The following MAP3K20 variants were observed in gnomAD, a reference collection of about 807,000 sequenced individuals.
MAP3K20 encodes HCCS-4.
Under a neutral mutation model 85.7 loss-of-function variants are expected in MAP3K20, and 40 were observed. The ratio of observed to expected loss-of-function variants is 0.47; its 90% CI spans 0.36 to 0.61. MAP3K20 has a LOEUF of 0.61. MAP3K20 is among the 20% of genes least tolerant of loss of function. The pLI, the probability that MAP3K20 is intolerant of heterozygous loss-of-function variation, is 0.00. For missense variants in MAP3K20, 817 were observed against 961.7 expected, an observed-to-expected ratio of 0.85 and a Z score of 1.99; for synonymous variants, 325 against 327.7, an observed-to-expected ratio of 0.99 and a Z score of 0.09.
At chr2:173,133,990 C>T (rs1005285181) in intron 2 of MAP3K20, among the ~76,000 whole-genome samples, 1 of 127,000 alleles carries the variant, frequency 7.9e-6, no homozygotes, top group Non-Finnish European at 1.6e-5. Flanking sequence ...TATTCCATCT[C>T]AAAAAACAAA....
chr2:173,126,612 T>G (rs1434721945), intron 2 of MAP3K20, among the ~76,000 whole-genome samples: 1 of 152,182 alleles, frequency 6.6e-6, no homozygotes, highest in Non-Finnish European at 1.5e-5. Context: ...ACTCCTGACC[T>G]CAGGTGATCC....
chr2:173,244,217 G>A (rs1002334027), intron 16 of MAP3K20, among the ~76,000 whole-genome samples: 1 of 152,134 alleles, frequency 6.6e-6, no homozygotes, highest in Non-Finnish European at 1.5e-5. Flanking sequence ...GATCAAAAGT[G>A]AAATATACAA....
At chr2:173,195,188 TA>T (rs34601946) in intron 7 of MAP3K20, among the ~76,000 whole-genome samples, 41,569 of 122,614 alleles carry the variant, frequency 0.34, 7,304 homozygotes, top group Non-Finnish European at 0.45. Context: ...AGCCTCTCTT[TA>T]AAAAAAAAAA....
At chr2:173,225,368 C>T (rs1308797920) in intron 11 of MAP3K20, 9 of 233,498 alleles carry the variant, frequency 3.9e-5, no homozygotes, top group South Asian at 1.6e-4. Flanking sequence ...CCAAGGTGGG[C>T]GGATCACCTG....
chr2:173,259,768 A>G lies in MAP3K20; in HGVS notation c.1476+953A>G, dbSNP rs150398773. ...CACTGTGCATCTAGGAGTTATTTCC[A>G]TGGCATTATTTATCTGTAAGGGTTG... On this transcript the variant is annotated intron_variant, in intron 17 of 19. Transcript: ENST00000375213. Among the ~76,000 whole-genome samples, 514 of 152,330 alleles carry G rather than the reference A, an allele frequency of 3.4e-3. 6 individuals are homozygous for G. Among genetic ancestry groups the G allele is most frequent in the African/African-American group, 0.012 (492 of 41,582 alleles).
chr2:173,194,727 G>A (rs544617781), intron 7 of MAP3K20, among the ~76,000 whole-genome samples: 1 of 151,450 alleles, frequency 6.6e-6, no homozygotes, highest in South Asian at 2.1e-4. Flanking sequence ...TCTACACACA[G>A]CAGTCACATA....
In MAP3K20 at chr2:173,205,123, T is replaced by A. The variant is rs577863616; in HGVS notation, c.744+1253T>A. ...GTCTCAAAAAAAAAAAAAAAAAAAATAAATAAATAAAATAAAACATATTCT... is the reference window on the plus strand; with the variant it reads ...GTCTCAAAAAAAAAAAAAAAAAAAAAAAATAAATAAAATAAAACATATTCT... On this transcript the variant is annotated intron_variant, in intron 9 of 19. Coordinates refer to ENST00000375213, the MANE Select transcript of MAP3K20 (RefSeq NM_016653.3). Among the ~76,000 whole-genome samples the A allele has an allele frequency of 6.0e-3, 752 of 124,550 alleles. 7 individuals carry two copies. Among genetic ancestry groups the A allele is most frequent in the African/African-American group, 0.022 (649 of 29,598 alleles). The allele number at this position is 124,550 out of a possible 152,430, so 81.7% of individuals were successfully genotyped here. A position where few individuals can be genotyped will look rare whatever the true frequency, so the allele number is the denominator to read the frequency against.
intron 2 of MAP3K20, among the ~76,000 whole-genome samples, chr2:173,168,546 T>G (rs973627239): frequency 1.3e-5 from 2 of 152,156 alleles, no homozygotes; most frequent in Non-Finnish European, 2.9e-5. Flanking sequence ...TAACACTAAT[T>G]CATAGTGTAC....
chr2:173,241,083 T>C (rs955753457), intron 16 of MAP3K20, among the ~76,000 whole-genome samples: 3 of 152,148 alleles, frequency 2.0e-5, no homozygotes, highest in Admixed American at 2.0e-4. Context: ...ACCAGAGGCT[T>C]GGAAGCATAG....
Position 173,187,470 on chromosome 2 carries a change from T to C in MAP3K20, c.350-88T>C, listed in dbSNP as rs994248638. 4.4e-5 allele frequency: 48 copies of C among 1,100,208 alleles called. 1 individual carries two copies. The highest frequency in any genetic ancestry group is 2.6e-4 in the Middle Eastern group (1 of 3,852). The allele number at this position is 1,100,208 out of a possible 1,614,324, so 68.2% of individuals were successfully genotyped here. On this transcript the variant is annotated intron_variant, in intron 4 of 19. Coordinates refer to ENST00000375213, the MANE Select transcript of MAP3K20 (RefSeq NM_016653.3). ...ATAAGACATGTGAATTAGTTTCTGCTCTTGAGTTCTTTGAAAAACTATGAA... is the reference window on the plus strand; with the variant it reads ...ATAAGACATGTGAATTAGTTTCTGCCCTTGAGTTCTTTGAAAAACTATGAA...
chr2:173,242,276 A>C (rs13001439), intron 16 of MAP3K20, among the ~76,000 whole-genome samples: 51,875 of 151,504 alleles, frequency 0.34, 11,272 homozygotes, highest in Non-Finnish European at 0.49. Context: ...CCCTGGTTCA[A>C]GTGATTCTCC....
intron 11 of MAP3K20, chr2:173,222,649 A>G (rs1368002918): frequency 1.0e-6 from 1 of 985,306 alleles, no homozygotes; most frequent in Non-Finnish European, 1.2e-6. Flanking sequence ...GCTATTTTAA[A>G]GAGGAAATTA....
rs149143040 is a variant in MAP3K20 at position 173,225,863 on chromosome 2, A to G, written c.988-3826A>G. On this transcript the variant is annotated intron_variant, in intron 11 of 19. Transcript: ENST00000375213. ...TGGTGGCAACTTGATGAAACAGCCAAATGCACCAGGGCAGGTCACTTTCCC... is the reference window on the plus strand; with the variant it reads ...TGGTGGCAACTTGATGAAACAGCCAGATGCACCAGGGCAGGTCACTTTCCC... 7.3e-5 allele frequency: 72 copies of G among 985,202 alleles called. No homozygotes were observed. The African/African-American group carries it at 1.1e-3, about 15-fold the overall frequency. The allele number at this position is 985,202 out of a possible 1,614,324, so 61.0% of individuals were successfully genotyped here.
chr2:173,164,349 T>C (rs1242922267), intron 2 of MAP3K20, among the ~76,000 whole-genome samples: 1 of 152,232 alleles, frequency 6.6e-6, no homozygotes, highest in Non-Finnish European at 1.5e-5. Context: ...GCCGCATGTA[T>C]GTCTTCTTTT....
intron 19 of MAP3K20, among the ~76,000 whole-genome samples, chr2:173,264,534 C>A (rs1007851270): frequency 2.0e-5 from 3 of 152,196 alleles, no homozygotes; most frequent in African/African-American, 7.2e-5. Flanking sequence ...GACTACCCGT[C>A]AGCAATTCTG....
intron 11 of MAP3K20, 34 bp from the exon 12 acceptor site, chr2:173,229,655 T>C (rs754386778): frequency 2.5e-5 from 40 of 1,607,136 alleles, no homozygotes; most frequent in Non-Finnish European, 3.2e-5. Flanking sequence ...TAATATTACT[T>C]TTTTTTTTCA....
intron 2 of MAP3K20, among the ~76,000 whole-genome samples, chr2:173,154,139 C>T (rs1002390620): frequency 4.0e-5 from 6 of 151,894 alleles, no homozygotes; most frequent in Non-Finnish European, 7.4e-5. Context: ...AAAGTGCTGC[C>T]GTTTCTCAGG....
At chr2:173,264,247 C>T (rs1685360908) in intron 19 of MAP3K20, among the ~76,000 whole-genome samples, 1 of 152,188 alleles carries the variant, frequency 6.6e-6, no homozygotes, top group African/African-American at 2.4e-5. Context: ...CTGATTTAAA[C>T]TGTAATAAAA....
At chr2:173,122,426 A>C (rs1443824224) in intron 2 of MAP3K20, among the ~76,000 whole-genome samples, 1 of 152,090 alleles carries the variant, frequency 6.6e-6, no homozygotes, top group East Asian at 1.9e-4. Context: ...GAAATATCTG[A>C]GTATGTTCTT....
Sources: gnomAD v4.1 joint callset for allele counts (sites outside exome capture counted in the v4.1 genomes callset) on GRCh38, gnomAD v4.1.1 for gene constraint, MANE v1.5 for transcripts, NCBI Gene and HGNC (gene_info 2026-07-23, HGNC 2026-07-21) for gene names.